Variants in ZBED3 observed in about 807,000 individuals in gnomAD.
ZBED3 encodes the protein zinc finger BED domain-containing protein 3.
For missense variants in ZBED3, 388 were observed against 362.9 expected (o/e 1.07, Z -0.56); for synonymous variants, 175 against 180.0 (o/e 0.97, Z 0.22).
At position 77,075,935 on chromosome 5, in the gene ZBED3, T is replaced by TTATATATATA. The variant is rs201611949; in HGVS notation, c.*1238_*1239insTATATATATA. On this transcript the variant is annotated 3_prime_UTR_variant, in exon 3 of 3. Transcript: ENST00000255198. ...GACATGCACCCTAGAACTTAAAGTATTATATATACATATATATATATATAT... is the reference window on the plus strand; with the variant it reads ...GACATGCACCCTAGAACTTAAAGTATTATATATATATATATATACATATATATATATATAT... The TTATATATATA allele has an allele frequency of 9.9e-4, 21 of 21,156 alleles. No individual in the cohort carries two copies. Among genetic ancestry groups the TTATATATATA allele is most frequent in the African/African-American group, 1.5e-3 (11 of 7,466 alleles). The allele number at this position is 21,156 out of a possible 1,614,324, so 1.3% of individuals were successfully genotyped here.
In ZBED3 at chr5:77,077,014, T is replaced by C. The variant is rs779854545; in HGVS notation, c.*160A>G. On this transcript the variant is annotated 3_prime_UTR_variant, in exon 3 of 3. Transcript: ENST00000255198. Reference sequence around the variant, plus strand: ...TCTGGCTTCGAAGTGCTTCTCAAGCTGAAGCCTTAGGGTGTGGAAGATCCT... The same window carrying C: ...TCTGGCTTCGAAGTGCTTCTCAAGCCGAAGCCTTAGGGTGTGGAAGATCCT... 4 of 499,248 alleles carry C rather than the reference T, an allele frequency of 8.0e-6. No homozygotes were observed. Among genetic ancestry groups the C allele is most frequent in the African/African-American group, 2.0e-5 (1 of 50,020 alleles). The allele number at this position is 499,248 out of a possible 1,614,324, so 30.9% of individuals were successfully genotyped here.
rs1178118938 is a variant in ZBED3, at chr5:77,072,926, C to T, written c.*4248G>A. 1 of 152,120 alleles carries T rather than the reference C, an allele frequency of 6.6e-6. No homozygotes were observed. Among genetic ancestry groups the T allele is most frequent in the Non-Finnish European group, 1.5e-5 (1 of 68,034 alleles). 9.4% of individuals were successfully genotyped at this position (152,120 alleles called of 1,614,324 possible). A position where few individuals can be genotyped will look rare whatever the true frequency, so the allele number is the denominator to read the frequency against. ...ACAGTGGACAAGTCACTCTCTAGAA[C>T]CTATTTTCCTAATCTATCAAATGAT... is the stretch of plus-strand genomic sequence containing the variant. On this transcript the variant is annotated 3_prime_UTR_variant, in exon 3 of 3. Transcript: ENST00000255198.
rs10052297 is a variant in ZBED3, at chr5:77,072,838, A to G, written c.*4336T>C. Reference sequence around the variant, plus strand: ...GTGAGCAGCAGGAGCCCTTAAGGCCAAAGAGACTGAAATGCATTAAGTAGG... The same window carrying G: ...GTGAGCAGCAGGAGCCCTTAAGGCCGAAGAGACTGAAATGCATTAAGTAGG... On this transcript the variant is annotated 3_prime_UTR_variant, in exon 3 of 3. Coordinates refer to ENST00000255198, the MANE Select transcript of ZBED3 (RefSeq NM_032367.4). 0.86 allele frequency: 130,557 copies of G among 152,152 alleles called. 56,135 individuals carry two copies. Among genetic ancestry groups the G allele is most frequent in the Non-Finnish European group, 0.87 (59,417 of 68,012 alleles). The allele number at this position is 152,152 out of a possible 1,614,324, so 9.4% of individuals were successfully genotyped here. A position where few individuals can be genotyped will look rare whatever the true frequency, so the allele number is the denominator to read the frequency against.
intron 1 of ZBED3, among the ~76,000 whole-genome samples, chr5:77,082,960 AC>A (rs1450031765): frequency 6.6e-6 from 1 of 151,978 alleles, no homozygotes. Flanking sequence ...ACATGGTGAA[AC>A]CCCGTCTCTA....
intron 1 of ZBED3, among the ~76,000 whole-genome samples, chr5:77,083,770 A>C (rs1276962529): frequency 6.6e-6 from 1 of 152,240 alleles, no homozygotes; most frequent in South Asian, 2.1e-4. Flanking sequence ...CAAATAAAAA[A>C]GAGTAACAGA....
chr5:77,076,043 A>G lies in ZBED3; in HGVS notation c.*1131T>C, dbSNP rs778492983. 2.8e-4 allele frequency: 36 copies of G among 127,464 alleles called. 6 individuals carry two copies. Among genetic ancestry groups the G allele is most frequent in the Non-Finnish European group, 5.0e-4 (31 of 61,696 alleles). 7.9% of individuals were successfully genotyped at this position (127,464 alleles called of 1,614,324 possible). A position where few individuals can be genotyped will look rare whatever the true frequency, so the allele number is the denominator to read the frequency against. Reference sequence around the variant, plus strand: ...TATGTATATATATATGTATATATGTATATATATATATAATATATACACACA... The same window carrying G: ...TATGTATATATATATGTATATATGTGTATATATATATAATATATACACACA... On this transcript the variant is annotated 3_prime_UTR_variant, in exon 3 of 3. Transcript: ENST00000255198.
rs1359127309 is a variant in ZBED3, at chr5:77,077,503, C to CG, written c.375dup (p.Glu126ArgfsTer78). On this transcript the variant is annotated frameshift_variant, in exon 3 of 3. Transcript: ENST00000255198. LOFTEE classifies it low-confidence loss of function (END_TRUNC). ...TCCAGCAGGCGCGCCCAGTCGCCCT[C>CG]GGGGGCCGCAGCGGGGCCGGGCGGC... 6 of 1,193,066 alleles carry CG rather than the reference C, an allele frequency of 5.0e-6. No individual in the cohort carries two copies. The highest frequency in any genetic ancestry group is 3.3e-4 in the Middle Eastern group (1 of 2,998). The allele number at this position is 1,193,066 out of a possible 1,614,324, so 73.9% of individuals were successfully genotyped here. A position where few individuals can be genotyped will look rare whatever the true frequency, so the allele number is the denominator to read the frequency against.
rs1742942549 is a variant in ZBED3 at position 77,074,804 on chromosome 5, T to G, written c.*2370A>C. ...GTGGGGGAGACTGTCTGCAGTGGGA[T>G]CCCACCTCTATTGCTGGCCAGCTGT... On this transcript the variant is annotated 3_prime_UTR_variant, in exon 3 of 3. Transcript: ENST00000255198. 6.6e-6 allele frequency: 1 copy of G among 152,174 alleles called. No homozygotes were observed. Among genetic ancestry groups the G allele is most frequent in the South Asian group, 2.1e-4 (1 of 4,826 alleles). The allele number at this position is 152,174 out of a possible 1,614,324, so 9.4% of individuals were successfully genotyped here.
rs2150742150 is a variant in ZBED3, at chr5:77,081,947, T to C, written c.-152-3219A>G. On this transcript the variant is annotated intron_variant, in intron 1 of 2. Coordinates refer to ENST00000255198, the MANE Select transcript of ZBED3 (RefSeq NM_032367.4). Reference sequence around the variant, plus strand: ...TCCAACAATTCTGATACCTGTGTGATAGGGCCAGCTGCAATTTCTATATTA... The same window carrying C: ...TCCAACAATTCTGATACCTGTGTGACAGGGCCAGCTGCAATTTCTATATTA... Among the ~76,000 whole-genome samples the C allele has an allele frequency of 1.3e-5, 2 of 152,128 alleles. 1 individual carries two copies. Among genetic ancestry groups the C allele is most frequent in the South Asian group, 4.2e-4 (2 of 4,800 alleles).
At chr5:77,080,661 C>T in intron 1 of ZBED3, 1 of 509,330 alleles carries the variant, frequency 2.0e-6, no homozygotes, top group Non-Finnish European at 3.9e-6. Context: ...CCGTAACAGC[C>T]TGGTTAGCTG....
chr5:77,077,501 C>A lies in ZBED3; in HGVS notation c.378G>T (p.Glu126Asp). The A allele has an allele frequency of 5.0e-6, 6 of 1,192,262 alleles. No homozygotes were observed. Among genetic ancestry groups the A allele is most frequent in the Non-Finnish European group, 6.2e-6 (6 of 965,446 alleles). 73.9% of individuals were successfully genotyped at this position (1,192,262 alleles called of 1,614,324 possible). ...GTTCCAGCAGGCGCGCCCAGTCGCC[C>A]TCGGGGGCCGCAGCGGGGCCGGGCG... Reference protein sequence around the residue: ...PPPPGPAAAPEGDWARLLEQM... With the variant: ...PPPPGPAAAPDGDWARLLEQM... Residue 126 changes from glutamate to aspartate, a missense_variant, in exon 3 of 3, where the codon GAG (glutamate) becomes GAT (aspartate). Physicochemically the swap from Glu to Asp is conservative, Grantham distance 45. Transcript: ENST00000255198.
Position 77,072,082 on chromosome 5 carries a change from T to G in ZBED3, c.*5092A>C, listed in dbSNP as rs1742898560. 1 of 152,208 alleles carries G rather than the reference T, an allele frequency of 6.6e-6. No homozygotes were observed. The highest frequency in any genetic ancestry group is 6.5e-5 in the Admixed American group (1 of 15,282). 9.4% of individuals were successfully genotyped at this position (152,208 alleles called of 1,614,324 possible). ...TTCATTACCATTTAATGTTTTTCCTTAAAGCCTCATTTTAATACTGTGAAA... is the reference window on the plus strand; with the variant it reads ...TTCATTACCATTTAATGTTTTTCCTGAAAGCCTCATTTTAATACTGTGAAA... On this transcript the variant is annotated 3_prime_UTR_variant, in exon 3 of 3. Coordinates refer to ENST00000255198, the MANE Select transcript of ZBED3 (RefSeq NM_032367.4).
chr5:77,078,692 A>C lies in ZBED3; in HGVS notation c.-116T>G, dbSNP rs1279664483. ...TCAGGTGGGTAGAAACAATGCATGC[A>C]ACACGATTCCTGAGTTCTGAAGAAC... is the stretch of plus-strand genomic sequence containing the variant. On this transcript the variant is annotated 5_prime_UTR_variant, in exon 2 of 3. Coordinates refer to ENST00000255198, the MANE Select transcript of ZBED3 (RefSeq NM_032367.4). The C allele has an allele frequency of 1.3e-5, 2 of 152,214 alleles. No homozygotes were observed. The highest frequency in any genetic ancestry group is 4.8e-5 in the African/African-American group (2 of 41,444). The allele number at this position is 152,214 out of a possible 1,614,324, so 9.4% of individuals were successfully genotyped here.
At position 77,073,430 on chromosome 5, in the gene ZBED3, G is replaced by C. The variant is rs997754923; in HGVS notation, c.*3744C>G. The C allele has an allele frequency of 6.6e-6, 1 of 151,988 alleles. No individual in the cohort carries two copies. Among genetic ancestry groups the C allele is most frequent in the African/African-American group, 2.4e-5 (1 of 41,382 alleles). 9.4% of individuals were successfully genotyped at this position (151,988 alleles called of 1,614,324 possible). A position where few individuals can be genotyped will look rare whatever the true frequency, so the allele number is the denominator to read the frequency against. ...AGTTCCAATACTTGAAAATAACTTA[G>C]AGTAATATAAAAATTGCAAAAGACA... On this transcript the variant is annotated 3_prime_UTR_variant, in exon 3 of 3. Coordinates refer to ENST00000255198, the MANE Select transcript of ZBED3 (RefSeq NM_032367.4).
chr5:77,076,956 C>G lies in ZBED3; in HGVS notation c.*218G>C, dbSNP rs1743017094. On this transcript the variant is annotated 3_prime_UTR_variant, in exon 3 of 3. Transcript: ENST00000255198. ...CCACGAAAGGCCGCCCAGGCACCCC[C>G]GGTGACCCCATGGAAGTGAGTTTTG... The G allele has an allele frequency of 2.1e-5, 8 of 377,918 alleles. No individual in the cohort carries two copies. The Admixed American group carries it at 3.7e-4, about 18-fold the overall frequency. 23.4% of individuals were successfully genotyped at this position (377,918 alleles called of 1,614,324 possible).
rs1386231543 is a variant in ZBED3 at position 77,077,432 on chromosome 5, C to A, written c.447G>T (p.Glu149Asp). The A allele has an allele frequency of 1.6e-6, 2 of 1,221,328 alleles. No homozygotes were observed. Among genetic ancestry groups the A allele is most frequent in the South Asian group, 2.9e-5 (1 of 34,306 alleles). The allele number at this position is 1,221,328 out of a possible 1,614,324, so 75.7% of individuals were successfully genotyped here. A position where few individuals can be genotyped will look rare whatever the true frequency, so the allele number is the denominator to read the frequency against. Residue 149 changes from glutamate to aspartate, a missense_variant, in exon 3 of 3, where the codon GAG becomes GAT. Coordinates refer to ENST00000255198, the MANE Select transcript of ZBED3 (RefSeq NM_032367.4). ...CCACGGCCAGCTCGCGCCGCTCCAG[C>A]TCCCGCTCCCGCCGGCTGCCGCGCA... Reference protein sequence around the residue: ...LAVRGSRRERELERRELAVEQ... With the variant: ...LAVRGSRRERDLERRELAVEQ...
At chr5:77,085,430 T>C (rs1442181932) in intron 1 of ZBED3, among the ~76,000 whole-genome samples, 1 of 152,220 alleles carries the variant, frequency 6.6e-6, no homozygotes, top group African/African-American at 2.4e-5. Flanking sequence ...CAAAAGGACA[T>C]AGCAGATTAA....
At position 77,077,237 on chromosome 5, in the gene ZBED3, C is replaced by G. The variant is rs1264065978; in HGVS notation, c.642G>C (p.Pro214=). The G allele has an allele frequency of 1.3e-6, 2 of 1,483,414 alleles. No individual in the cohort carries two copies. Among genetic ancestry groups the G allele is most frequent in the South Asian group, 2.6e-5 (2 of 78,390 alleles). The allele number at this position is 1,483,414 out of a possible 1,614,324, so 91.9% of individuals were successfully genotyped here. A position where few individuals can be genotyped will look rare whatever the true frequency, so the allele number is the denominator to read the frequency against. Residue 214 remains proline, a synonymous_variant, in exon 3 of 3, where the codon CCG becomes CCC. Coordinates refer to ENST00000255198, the MANE Select transcript of ZBED3 (RefSeq NM_032367.4). The part of the protein sequence containing the change: ...GALGWAPAAP[P]PLKDDPEGDR... ...CACCCTCGGGGTCGTCCTTGAGCGG[C>G]GGCGGCGCAGCGGGGGCCCAGCCCA...
intron 1 of ZBED3, 148 bp from the exon 2 acceptor site, chr5:77,078,876 A>C (rs370555177): frequency 6.6e-6 from 1 of 152,234 alleles, no homozygotes; most frequent in African/African-American, 2.4e-5. Flanking sequence ...AAAACAAATA[A>C]AATTAGTTTT....
Sources: gnomAD v4.1 joint callset for allele counts (sites outside exome capture counted in the v4.1 genomes callset) on GRCh38, gnomAD v4.1.1 for gene constraint, MANE v1.5 for transcripts, NCBI Gene and HGNC (gene_info 2026-07-23, HGNC 2026-07-21) for gene names.